PRR16: variants seen among roughly 807,000 people sequenced by gnomAD.
PRR16 encodes proline rich 16, also known as protein Largen.
PRR16 carries 6 observed loss-of-function variants against 18.2 expected under a neutral mutation model. The ratio of observed to expected loss-of-function variants is 0.33; its 90% CI spans 0.18 to 0.65. The LOEUF is 0.65. Ranked by LOEUF, PRR16 falls within the 30% of genes least tolerant of loss-of-function variation. PRR16 has a pLI of 0.74. For synonymous variants in PRR16, 151 were observed against 147.8 expected (o/e 1.02, Z -0.16); for missense variants, 412 against 376.6 (o/e 1.09, Z -0.78).
the PRR16 span, among the ~76,000 whole-genome samples, chr5:120,736,537 CTTTTTTTTTTT>C: frequency 4.3e-4 from 23 of 54,020 alleles, 1 homozygote; most frequent in East Asian, 0.011. Flanking sequence ...AGTGTAAAGG[CTTTTTTTTTTT>C]TTTTTTTTTT....
intron 1 of PRR16, among the ~76,000 whole-genome samples, chr5:120,591,990 G>A (rs1753650079): frequency 6.6e-6 from 1 of 152,016 alleles, no homozygotes; most frequent in South Asian, 2.1e-4. Context: ...AAAAGCCCAG[G>A]ATTGCTGTTA....
At chr5:120,718,713 TG>T in the PRR16 span, among the ~76,000 whole-genome samples, 1 of 152,112 alleles carries the variant, frequency 6.6e-6, no homozygotes, top group Non-Finnish European at 1.5e-5. Flanking sequence ...ACATAGTGCA[TG>T]GGGGTGAACC....
At chr5:120,685,344 A>G (rs1450884409) in intron 1 of PRR16, among the ~76,000 whole-genome samples, 1 of 152,076 alleles carries the variant, frequency 6.6e-6, no homozygotes, top group Non-Finnish European at 1.5e-5. Flanking sequence ...CACATATTCA[A>G]CCTTTAATTA....
chr5:120,727,562 A>G, the PRR16 span, among the ~76,000 whole-genome samples: 1 of 152,142 alleles, frequency 6.6e-6, no homozygotes, highest in Non-Finnish European at 1.5e-5. Context: ...AATATTGTTT[A>G]AACACTTGGA....
chr5:120,607,947 T>C lies in PRR16; in HGVS notation c.160-78007T>C, dbSNP rs536807283. On this transcript the variant is annotated intron_variant, in intron 1 of 1. Coordinates refer to ENST00000407149, the MANE Select transcript of PRR16 (RefSeq NM_001300783.2). ...CCTTGTATGTAGAGTTCTACTCTTT[T>C]ATATCTTTGAATCACGACTTTCTCC... Among the ~76,000 whole-genome samples the C allele has an allele frequency of 3.9e-5, 6 of 152,318 alleles. No individual in the cohort carries two copies. The South Asian group carries it at 1.2e-3, about 32-fold the overall frequency.
chr5:120,617,005 A>T, intron 1 of PRR16: 1 of 521,392 alleles, frequency 1.9e-6, no homozygotes, highest in Non-Finnish European at 2.5e-6. Flanking sequence ...CCATCCATTC[A>T]TAACCTCCTG....
chr5:120,664,101 C>A (rs182304498), intron 1 of PRR16, among the ~76,000 whole-genome samples: 58 of 152,110 alleles, frequency 3.8e-4, no homozygotes, highest in Admixed American at 3.0e-3. Flanking sequence ...GAGTTCGAGA[C>A]CAGCCTTACC....
At chr5:120,776,811 T>C in the PRR16 span, among the ~76,000 whole-genome samples, 1 of 145,176 alleles carries the variant, frequency 6.9e-6, no homozygotes, top group Admixed American at 6.9e-5. Flanking sequence ...GTAAAATACA[T>C]ATGTATTAAT....
chr5:120,773,287 C>T, the PRR16 span, among the ~76,000 whole-genome samples: 2 of 152,100 alleles, frequency 1.3e-5, no homozygotes, highest in Admixed American at 1.3e-4. Context: ...AGCCTTGAGG[C>T]AGATGAGGGC....
At chr5:120,541,421 C>G (rs993469093) in intron 1 of PRR16, among the ~76,000 whole-genome samples, 1 of 152,222 alleles carries the variant, frequency 6.6e-6, no homozygotes, top group African/African-American at 2.4e-5. Context: ...GCTAGGATTA[C>G]AGGCGTGAGC....
the PRR16 span, among the ~76,000 whole-genome samples, chr5:120,693,837 A>T: frequency 1.3e-5 from 2 of 152,210 alleles, no homozygotes; most frequent in East Asian, 3.9e-4. Flanking sequence ...TTGTAGTAAC[A>T]TTTATAGAAA....
the PRR16 span, among the ~76,000 whole-genome samples, chr5:120,754,634 AT>A: frequency 1.7e-5 from 2 of 118,872 alleles, no homozygotes; most frequent in Non-Finnish European, 3.3e-5. Context: ...TATATATAAT[AT>A]ATAAAGTATT....
chr5:120,712,087 C>CT, the PRR16 span, among the ~76,000 whole-genome samples: 12 of 152,144 alleles, frequency 7.9e-5, no homozygotes, highest in East Asian at 3.9e-4. Context: ...TAAATTCAGA[C>CT]TTTTTTTATC....
the PRR16 span, among the ~76,000 whole-genome samples, chr5:120,770,472 A>T: frequency 6.6e-6 from 1 of 152,030 alleles, no homozygotes; most frequent in Non-Finnish European, 1.5e-5. Context: ...TAAAACTACC[A>T]GACAAAAACA....
At chr5:120,792,058 G>A in the PRR16 span, among the ~76,000 whole-genome samples, 1 of 152,098 alleles carries the variant, frequency 6.6e-6, no homozygotes, top group Non-Finnish European at 1.5e-5. Flanking sequence ...CATGCTGATT[G>A]CTTCAATCTG....
chr5:120,619,677 A>T (rs1378539917), intron 1 of PRR16, among the ~76,000 whole-genome samples: 7 of 152,162 alleles, frequency 4.6e-5, no homozygotes, highest in African/African-American at 1.7e-4. Flanking sequence ...CTAAGAATCT[A>T]TATTAAAATA....
chr5:120,632,598 G>A (rs1580810176), intron 1 of PRR16, among the ~76,000 whole-genome samples: 1 of 152,084 alleles, frequency 6.6e-6, no homozygotes, highest in African/African-American at 2.4e-5. Flanking sequence ...GAAAGTCTCA[G>A]CAATAGACTC....
chr5:120,701,012 CG>C, the PRR16 span, among the ~76,000 whole-genome samples: 1 of 151,506 alleles, frequency 6.6e-6, no homozygotes, highest in African/African-American at 2.4e-5. Flanking sequence ...TCCCGGGCTG[CG>C]GGCATTCCTT....
rs1240008343 is a variant in PRR16 at position 120,491,933 on chromosome 5, C to G, written c.159+27288C>G. Reference sequence around the variant, plus strand: ...TTATGTCACTTCCCAAATCATACAACTTTGATAACAAAATTCATGAGGAGT... The same window carrying G: ...TTATGTCACTTCCCAAATCATACAAGTTTGATAACAAAATTCATGAGGAGT... On this transcript the variant is annotated intron_variant, in intron 1 of 1. Transcript: ENST00000407149. Among the ~76,000 whole-genome samples the G allele has an allele frequency of 3.9e-5, 6 of 152,200 alleles. No homozygotes were observed. The East Asian group carries it at 1.2e-3, about 29-fold the overall frequency.
Sources: gnomAD v4.1 joint callset for allele counts (sites outside exome capture counted in the v4.1 genomes callset) on GRCh38, gnomAD v4.1.1 for gene constraint, MANE v1.5 for transcripts, NCBI Gene and HGNC (gene_info 2026-07-23, HGNC 2026-07-21) for gene names.